NBAS: variants seen among roughly 807,000 people sequenced by gnomAD.
NBAS encodes NAG/BC035112 fusion.
Under a neutral mutation model 302.5 loss-of-function variants are expected in NBAS, and 219 were observed. That is an observed-to-expected ratio of 0.72 (90% CI 0.65 to 0.81). NBAS has a LOEUF of 0.81. Among genes scored for constraint, NBAS ranks in the 30% least tolerant of loss-of-function variants. The pLI, the probability that NBAS is intolerant of heterozygous loss-of-function variation, is 0.00. For missense variants in NBAS, 2,932 were observed against 2,841.6 expected, an observed-to-expected ratio of 1.03 and a Z score of -0.72; for synonymous variants, 1,118 against 1,021.6, an observed-to-expected ratio of 1.09 and a Z score of -1.80.
intron 44 of NBAS, among the ~76,000 whole-genome samples, chr2:15,248,005 T>G (rs1440373747): frequency 6.6e-6 from 1 of 152,184 alleles, no homozygotes; most frequent in South Asian, 2.1e-4. Context: ...TACGCATTCT[T>G]CTCAGCACCA....
chr2:15,248,631 A>C (rs1350412725), intron 44 of NBAS, among the ~76,000 whole-genome samples: 7 of 152,214 alleles, frequency 4.6e-5, no homozygotes. Context: ...GATAAAGGGG[A>C]TATCACCACT....
At chr2:15,031,532 GA>G in the NBAS span, among the ~76,000 whole-genome samples, 1 of 152,180 alleles carries the variant, frequency 6.6e-6, no homozygotes, top group South Asian at 2.1e-4. Context: ...GTCTATAGCT[GA>G]GGTTGGATAA....
chr2:14,782,529 A>G, the NBAS span, among the ~76,000 whole-genome samples: 2 of 152,180 alleles, frequency 1.3e-5, no homozygotes, highest in African/African-American at 2.4e-5. Context: ...TAGTTCAACC[A>G]TTGTGGAAAG....
At chr2:14,892,072 T>G in the NBAS span, among the ~76,000 whole-genome samples, 1 of 152,214 alleles carries the variant, frequency 6.6e-6, no homozygotes, top group East Asian at 1.9e-4. Context: ...TCAGTCAGTA[T>G]GTGCTCTAAT....
the NBAS span, among the ~76,000 whole-genome samples, chr2:15,137,697 T>A: frequency 6.6e-6 from 1 of 152,172 alleles, no homozygotes; most frequent in Non-Finnish European, 1.5e-5. Flanking sequence ...AATAAAAGCA[T>A]CATCTTTGCC....
At chr2:15,034,291 A>AGAAG in the NBAS span, among the ~76,000 whole-genome samples, 2 of 96,332 alleles carry the variant, frequency 2.1e-5, no homozygotes, top group Admixed American at 1.0e-4. Flanking sequence ...AAAGAAAGAA[A>AGAAG]GAAAGAAAGA....
At chr2:15,537,989 GAT>G (rs1293904206) in intron 7 of NBAS, among the ~76,000 whole-genome samples, 2 of 152,008 alleles carry the variant, frequency 1.3e-5, no homozygotes, top group African/African-American at 4.8e-5. Flanking sequence ...TCCAAATTGA[GAT>G]ATGTCATAAA....
chr2:15,169,491 G>A (rs531034798), intron 51 of NBAS, among the ~76,000 whole-genome samples: 81 of 152,262 alleles, frequency 5.3e-4, no homozygotes, highest in African/African-American at 1.7e-3. Context: ...GCAGCACGGT[G>A]TCTACGTGCC....
chr2:15,287,143 C>A lies in NBAS; in HGVS notation c.5068G>T (p.Ala1690Ser). Residue 1690 changes from alanine to serine, a missense_variant, in exon 42 of 52, where the codon GCA (alanine) becomes TCA (serine). Physicochemically the swap from Ala to Ser is moderately conservative, Grantham distance 99. Coordinates refer to ENST00000281513, the MANE Select transcript of NBAS (RefSeq NM_015909.4). ...ESVYSIAISLAQRYSVSRWEV... is the reference protein window; with the variant it reads ...ESVYSIAISLSQRYSVSRWEV... ...CAGCGGGAGACACTGTAACGTTGTG[C>A]CAGAGAAATAGCAATGCTGTAGACG... 1 of 1,614,014 alleles carries A rather than the reference C, an allele frequency of 6.2e-7. No homozygotes were observed. Among genetic ancestry groups the A allele is most frequent in the East Asian group, 2.2e-5 (1 of 44,880 alleles).
At chr2:15,240,149 A>G (rs1387104779) in intron 44 of NBAS, among the ~76,000 whole-genome samples, 1 of 152,094 alleles carries the variant, frequency 6.6e-6, no homozygotes, top group Non-Finnish European at 1.5e-5. Flanking sequence ...CTCCTACGAC[A>G]GACTCTCATT....
intron 28 of NBAS, among the ~76,000 whole-genome samples, chr2:15,389,387 A>G (rs573594791): frequency 1.7e-3 from 252 of 152,382 alleles, no homozygotes; most frequent in African/African-American, 5.8e-3. Context: ...TATTGACAGA[A>G]GAATAATGCA....
At chr2:14,920,710 A>T in the NBAS span, among the ~76,000 whole-genome samples, 1 of 152,266 alleles carries the variant, frequency 6.6e-6, no homozygotes, top group African/African-American at 2.4e-5. Flanking sequence ...ATGTTTGTGA[A>T]GTAAACCTCA....
At chr2:15,452,607 G>A (rs893486783) in intron 21 of NBAS, among the ~76,000 whole-genome samples, 2 of 150,320 alleles carry the variant, frequency 1.3e-5, no homozygotes, top group African/African-American at 2.5e-5. Context: ...AAAAAAAAGT[G>A]TATCATAGCC....
At chr2:15,486,574 A>G (rs1680636487) in intron 12 of NBAS, among the ~76,000 whole-genome samples, 1 of 152,142 alleles carries the variant, frequency 6.6e-6, no homozygotes. Context: ...AGGCATGACA[A>G]CTTCTAGCCT....
At chr2:15,009,693 C>CATATATATAT in the NBAS span, among the ~76,000 whole-genome samples, 8,447 of 126,086 alleles carry the variant, frequency 0.067, 388 homozygotes, top group Non-Finnish European at 0.096. Flanking sequence ...TGTAGGAATG[C>CATATATATAT]ATATATATAT....
the NBAS span, among the ~76,000 whole-genome samples, chr2:15,014,649 T>G: frequency 1.3e-5 from 2 of 151,972 alleles, no homozygotes; most frequent in Non-Finnish European, 2.9e-5. Context: ...GGTAAGTTTA[T>G]AACAATAAAT....
chr2:15,232,656 C>T, intron 46 of NBAS, 145 bp from the exon 47 acceptor site: 1 of 724,888 alleles, frequency 1.4e-6, no homozygotes, highest in Non-Finnish European at 2.4e-6. Flanking sequence ...GTGATGTCTA[C>T]AAATGTACGA....
At chr2:15,412,691 C>T (rs1022491751) in intron 25 of NBAS, among the ~76,000 whole-genome samples, 1 of 152,098 alleles carries the variant, frequency 6.6e-6, no homozygotes, top group Non-Finnish European at 1.5e-5. Context: ...TATAAAGCAT[C>T]ATAATAAAAT....
At chr2:14,855,442 CAG>C in the NBAS span, among the ~76,000 whole-genome samples, 1 of 151,904 alleles carries the variant, frequency 6.6e-6, no homozygotes, top group South Asian at 2.1e-4. Context: ...TACAGGGAGA[CAG>C]AAAGCACCAA....
Sources: allele counts gnomAD v4.1 joint callset (sites outside exome capture counted in the v4.1 genomes callset), GRCh38; gene constraint gnomAD v4.1.1; transcripts MANE v1.5; gene names NCBI Gene and HGNC (gene_info 2026-07-23, HGNC 2026-07-21).